The following POLQ variants were observed in gnomAD, a reference collection of about 807,000 sequenced individuals.
POLQ encodes the protein epididymis secretory sperm binding protein.
Under a neutral mutation model 259.2 loss-of-function variants are expected in POLQ, and 233 were observed. That is an observed-to-expected ratio of 0.90 (90% CI 0.81 to 1.00). The LOEUF (loss-of-function observed/expected upper bound fraction) is 1.00. Among genes scored for constraint, POLQ ranks in the 50% least tolerant of loss-of-function variants. The pLI is 0.00. For synonymous variants in POLQ, 1,025 were observed against 1,048.8 expected (o/e 0.98, Z 0.44); for missense variants, 2,871 against 3,051.6 (o/e 0.94, Z 1.39).
chr3:121,436,670 G>T (rs1281385677), intron 27 of POLQ, among the ~76,000 whole-genome samples: 1 of 151,934 alleles, frequency 6.6e-6, no homozygotes, highest in Admixed American at 6.6e-5. Flanking sequence ...TCTTTGGGAG[G>T]GGGGTTGGAA....
chr3:121,490,981 G>C (rs540390550), intron 15 of POLQ, among the ~76,000 whole-genome samples: 2 of 152,212 alleles, frequency 1.3e-5, no homozygotes, highest in East Asian at 3.9e-4. Context: ...CTCGAACCCA[G>C]GAGGCGTTAC....
chr3:121,513,975 T>C (rs1279991557), intron 9 of POLQ, among the ~76,000 whole-genome samples: 1 of 138,080 alleles, frequency 7.2e-6, no homozygotes, highest in Non-Finnish European at 1.6e-5. Context: ...TGAGCCGAGA[T>C]TGTGCCACTG....
intron 14 of POLQ, chr3:121,494,650 C>T: frequency 1.3e-6 from 2 of 1,527,394 alleles, no homozygotes; most frequent in Non-Finnish European, 1.8e-6. Context: ...GGGTCCCTTA[C>T]TGCATTACCA....
chr3:121,486,383 T>C lies in POLQ; in HGVS notation c.5629+919A>G, dbSNP rs11711173. On this transcript the variant is annotated intron_variant, in intron 16 of 29. Coordinates refer to ENST00000264233, the MANE Select transcript of POLQ (RefSeq NM_199420.4). The stretch of plus-strand genomic sequence containing the variant: ...GGCTAACACAGTGAAACCCCATCTG[T>C]ACTAAAATACAAAATAAAAAATTAG... 7.9e-3 allele frequency among the ~76,000 whole-genome samples: 1,203 copies of C among 151,940 alleles called. 29 individuals are homozygous for C. The East Asian group carries it at 0.088, about 11-fold the overall frequency.
chr3:121,502,210 G>T (rs2048176132), intron 12 of POLQ, among the ~76,000 whole-genome samples: 1 of 151,918 alleles, frequency 6.6e-6, no homozygotes, highest in South Asian at 2.1e-4. Context: ...TACTGTATTG[G>T]GTTTGTTTGT....
At chr3:121,455,810 G>A (rs1174199847) in intron 25 of POLQ, among the ~76,000 whole-genome samples, 2 of 152,178 alleles carry the variant, frequency 1.3e-5, no homozygotes, top group South Asian at 2.1e-4. Context: ...GAGTTACAAG[G>A]AGGAACTGGT....
intron 22 of POLQ, among the ~76,000 whole-genome samples, chr3:121,469,612 A>G (rs1422523733): frequency 6.6e-6 from 1 of 152,232 alleles, no homozygotes; most frequent in Non-Finnish European, 1.5e-5. Flanking sequence ...AGAGGAAGGC[A>G]TCCAAGGCTC....
intron 24 of POLQ, among the ~76,000 whole-genome samples, chr3:121,463,469 A>G (rs1480755433): frequency 6.6e-6 from 1 of 152,212 alleles, no homozygotes; most frequent in African/African-American, 2.4e-5. Context: ...ACAATTACCT[A>G]TAGATTCTAT....
chr3:121,432,423 GA>G lies in POLQ; in HGVS notation c.7660-7del, dbSNP rs3836217. On this transcript the variant is annotated splice_polypyrimidine_tract_variant and splice_region_variant and intron_variant, in intron 29 of 29. Transcript: ENST00000264233. The stretch of plus-strand genomic sequence containing the variant: ...TTCTTGACAATCTGAGCTACCTAAG[GA>G]AAAAAAAAATGTAGTTAACAAACTG... 3.4e-4 allele frequency: 502 copies of G among 1,456,164 alleles called. No individual in the cohort carries two copies. The highest frequency in any genetic ancestry group is 1.3e-3 in the Admixed American group (62 of 48,390). 90.2% of individuals were successfully genotyped at this position (1,456,164 alleles called of 1,614,324 possible). A position where few individuals can be genotyped will look rare whatever the true frequency, so the allele number is the denominator to read the frequency against.
chr3:121,509,801 T>A, intron 11 of POLQ, 98 bp from the exon 12 acceptor site: 1 of 1,235,190 alleles, frequency 8.1e-7, no homozygotes, highest in Non-Finnish European at 1.1e-6. Context: ...CCCTCCCGGC[T>A]GATAAATTTT....
chr3:121,478,670 G>T (rs1278567960), intron 19 of POLQ, among the ~76,000 whole-genome samples: 2 of 151,028 alleles, frequency 1.3e-5, no homozygotes, highest in Non-Finnish European at 2.9e-5. Flanking sequence ...ACCTAGAAAG[G>T]TTAAAAGGGA....
At chr3:121,515,022 G>A (rs764903535) in intron 9 of POLQ, among the ~76,000 whole-genome samples, 1 of 152,158 alleles carries the variant, frequency 6.6e-6, no homozygotes, top group Non-Finnish European at 1.5e-5. Flanking sequence ...ACCTGCCCCA[G>A]GTGGAAGATG....
intron 9 of POLQ, among the ~76,000 whole-genome samples, chr3:121,517,515 G>C (rs1214696952): frequency 6.6e-6 from 1 of 152,134 alleles, no homozygotes; most frequent in African/African-American, 2.4e-5. Flanking sequence ...TTAAGTATTA[G>C]TGGAGCACGT....
intron 16 of POLQ, 106 bp from the exon 17 acceptor site, chr3:121,485,290 T>C (rs2048002690): frequency 2.3e-5 from 16 of 692,708 alleles, no homozygotes; most frequent in Non-Finnish European, 3.4e-5. Flanking sequence ...AGGCAAAATT[T>C]CCAGATCTTA....
At chr3:121,538,003 CTTACTCAGG>C (rs1199218261) in intron 4 of POLQ, among the ~76,000 whole-genome samples, 2 of 152,074 alleles carry the variant, frequency 1.3e-5, no homozygotes, top group African/African-American at 4.8e-5. Flanking sequence ...CAATTATTAG[CTTACTCAGG>C]GCTAAACAAA....
chr3:121,456,205 A>G (rs1426185395), intron 25 of POLQ, among the ~76,000 whole-genome samples: 2 of 152,214 alleles, frequency 1.3e-5, no homozygotes, highest in Non-Finnish European at 2.9e-5. Flanking sequence ...AAAACTCTCA[A>G]TAAATCAGGT....
chr3:121,446,675 T>C (rs2047634965), intron 26 of POLQ, among the ~76,000 whole-genome samples: 1 of 152,214 alleles, frequency 6.6e-6, no homozygotes. Context: ...AGGAGTATTA[T>C]ATAATGTAAA....
Position 121,476,747 on chromosome 3 carries a change from G to C in POLQ, c.6212-14C>G. 1 of 1,583,778 alleles carries C rather than the reference G, an allele frequency of 6.3e-7. No individual in the cohort carries two copies. Among genetic ancestry groups the C allele is most frequent in the Non-Finnish European group, 8.6e-7 (1 of 1,161,444 alleles). Reference sequence around the variant, plus strand: ...TACGGAAAACATCTGGAAGAAAAAAGAAAATTAAAACGTTAATTCATTGGC... The same window carrying C: ...TACGGAAAACATCTGGAAGAAAAAACAAAATTAAAACGTTAATTCATTGGC... On this transcript the variant is annotated splice_polypyrimidine_tract_variant and intron_variant, in intron 19 of 29. Transcript: ENST00000264233.
chr3:121,543,811 C>T (rs577434546), intron 2 of POLQ, among the ~76,000 whole-genome samples: 1 of 151,708 alleles, frequency 6.6e-6, no homozygotes. Context: ...TGTGAAACCC[C>T]GTCTCTACTA....
Sources: gnomAD v4.1 joint callset for allele counts (sites outside exome capture counted in the v4.1 genomes callset) on GRCh38, gnomAD v4.1.1 for gene constraint, MANE v1.5 for transcripts, NCBI Gene and HGNC (gene_info 2026-07-23, HGNC 2026-07-21) for gene names.